The following ZBTB16 variants were observed in gnomAD, a reference collection of about 807,000 sequenced individuals.
ZBTB16 encodes the protein zinc finger and BTB domain containing 16, also known as zinc finger and BTB domain-containing protein 16.
ZBTB16 carries 8 observed loss-of-function variants against 56.8 expected under a neutral mutation model. The observed-to-expected ratio is 0.14, with a 90% CI of 0.08 to 0.25. The LOEUF is 0.25. Ranked by LOEUF, ZBTB16 falls within the 10% of genes least tolerant of loss-of-function variation. The pLI is 1.00. For synonymous variants in ZBTB16, 363 were observed against 368.5 expected (o/e 0.98, Z 0.17); for missense variants, 625 against 903.0 (o/e 0.69, Z 3.95).
intron 2 of ZBTB16, among the ~76,000 whole-genome samples, chr11:114,105,529 C>T (rs565208882): frequency 1.5e-4 from 23 of 152,294 alleles, no homozygotes; most frequent in Non-Finnish European, 2.4e-4. Flanking sequence ...AATGAGCCAC[C>T]GCGCCCGACC....
intron 2 of ZBTB16, among the ~76,000 whole-genome samples, chr11:114,148,409 C>T (rs1175936690): frequency 3.4e-3 from 115 of 34,092 alleles, no homozygotes; most frequent in Non-Finnish European, 4.8e-3. Flanking sequence ...CCCTCCCTCC[C>T]TCCCTCCCTC....
rs534363530 is a variant in ZBTB16 at position 114,182,061 on chromosome 11, G to C, written c.1367-4891G>C. Among the ~76,000 whole-genome samples the C allele has an allele frequency of 2.6e-5, 4 of 152,216 alleles. No individual in the cohort carries two copies. In the South Asian group the frequency reaches 8.3e-4, roughly 32 times the overall value. ...TCAATGCTTTGTTGTTGTTATTGTT[G>C]TTGTTTTGAGACAGGGTTTCACTCC... On this transcript the variant is annotated intron_variant, in intron 3 of 6. Transcript: ENST00000335953.
At chr11:114,091,045 A>T (rs1022893206) in intron 2 of ZBTB16, among the ~76,000 whole-genome samples, 3 of 152,308 alleles carry the variant, frequency 2.0e-5, no homozygotes, top group African/African-American at 7.2e-5. Flanking sequence ...GGTGACGCAG[A>T]CTAAGGCAAT....
chr11:114,149,640 T>A (rs951159793), intron 2 of ZBTB16, among the ~76,000 whole-genome samples: 1 of 152,242 alleles, frequency 6.6e-6, no homozygotes, highest in South Asian at 2.1e-4. Context: ...TTTATTAATA[T>A]TGACTAGTCA....
chr11:114,196,633 T>C (rs1211258150), intron 4 of ZBTB16, among the ~76,000 whole-genome samples: 1 of 152,188 alleles, frequency 6.6e-6, no homozygotes, highest in Non-Finnish European at 1.5e-5. Context: ...CCTCATTCTC[T>C]GAGTTTTTAA....
intron 5 of ZBTB16, 192 bp from the exon 6 acceptor site, chr11:114,247,005 TA>T: frequency 1.5e-6 from 1 of 685,712 alleles, no homozygotes; most frequent in Non-Finnish European, 2.5e-6. Context: ...GGGGCCACAG[TA>T]AAGTATGGTC....
intron 3 of ZBTB16, among the ~76,000 whole-genome samples, chr11:114,165,727 A>G (rs766020239): frequency 8.5e-5 from 13 of 152,066 alleles, no homozygotes; most frequent in Non-Finnish European, 1.2e-4. Flanking sequence ...TTCCGGGAGA[A>G]CAGGCCTGGG....
At chr11:114,167,962 GTC>G (rs1406618754) in intron 3 of ZBTB16, among the ~76,000 whole-genome samples, 1 of 152,188 alleles carries the variant, frequency 6.6e-6, no homozygotes, top group African/African-American at 2.4e-5. Flanking sequence ...CCTAGGATGT[GTC>G]TGTCTGGGCA....
chr11:114,134,865 T>C (rs1941758482), intron 2 of ZBTB16, among the ~76,000 whole-genome samples: 1 of 152,238 alleles, frequency 6.6e-6, no homozygotes, highest in Admixed American at 6.5e-5. Context: ...TAGACACTGC[T>C]GTGTTCTTTT....
At chr11:114,244,424 T>C (rs1944775589) in intron 5 of ZBTB16, among the ~76,000 whole-genome samples, 1 of 151,986 alleles carries the variant, frequency 6.6e-6, no homozygotes, top group African/African-American at 2.4e-5. Context: ...ATTAGTCTCG[T>C]TTGTCCTGCA....
At chr11:114,132,778 A>T (rs1185494611) in intron 2 of ZBTB16, among the ~76,000 whole-genome samples, 6 of 152,072 alleles carry the variant, frequency 3.9e-5, no homozygotes, top group African/African-American at 1.4e-4. Context: ...GTTATCACGG[A>T]TTACTCCATC....
intron 3 of ZBTB16, among the ~76,000 whole-genome samples, chr11:114,171,094 A>G (rs902701449): frequency 4.6e-5 from 7 of 152,208 alleles, no homozygotes; most frequent in African/African-American, 1.7e-4. Context: ...CTCGAGAGGG[A>G]CAGGTGCAGC....
At chr11:114,133,985 C>G (rs1370758303) in intron 2 of ZBTB16, among the ~76,000 whole-genome samples, 1 of 152,186 alleles carries the variant, frequency 6.6e-6, no homozygotes, top group Non-Finnish European at 1.5e-5. Context: ...TACCAGTACC[C>G]AAAAAGCCCA....
chr11:114,201,324 C>T (rs1943732534), intron 4 of ZBTB16, among the ~76,000 whole-genome samples: 1 of 152,092 alleles, frequency 6.6e-6, no homozygotes, highest in Admixed American at 6.6e-5. Context: ...CATTGCACAC[C>T]TTGGCATCTC....
At chr11:114,244,367 G>T (rs537781093) in intron 5 of ZBTB16, among the ~76,000 whole-genome samples, 9 of 152,060 alleles carry the variant, frequency 5.9e-5, no homozygotes, top group East Asian at 3.9e-4. Context: ...GGACAGATTG[G>T]GGGGGGCGGG....
intron 2 of ZBTB16, among the ~76,000 whole-genome samples, chr11:114,099,827 A>G (rs1272441847): frequency 6.6e-6 from 1 of 152,236 alleles, no homozygotes; most frequent in Non-Finnish European, 1.5e-5. Flanking sequence ...ACATTGCGCT[A>G]CAGTCATTGA....
chr11:114,066,084 G>A (rs1939103746), intron 2 of ZBTB16, among the ~76,000 whole-genome samples: 1 of 152,182 alleles, frequency 6.6e-6, no homozygotes, highest in Non-Finnish European at 1.5e-5. Context: ...TGCATACCCT[G>A]TGGTCTGCTG....
At chr11:114,179,063 G>A (rs925325531) in intron 3 of ZBTB16, among the ~76,000 whole-genome samples, 8 of 152,138 alleles carry the variant, frequency 5.3e-5, no homozygotes, top group African/African-American at 1.9e-4. Context: ...GAGTGAGGCC[G>A]AACTCTGAGG....
intron 2 of ZBTB16, among the ~76,000 whole-genome samples, chr11:114,124,565 A>C (rs1042650535): frequency 1.3e-5 from 2 of 149,652 alleles, no homozygotes; most frequent in Non-Finnish European, 3.0e-5. Flanking sequence ...ACCAAAAAAA[A>C]AAAAAAACAA....
Sources: gnomAD v4.1 joint callset for allele counts (sites outside exome capture counted in the v4.1 genomes callset) on GRCh38, gnomAD v4.1.1 for gene constraint, MANE v1.5 for transcripts, NCBI Gene and HGNC (gene_info 2026-07-23, HGNC 2026-07-21) for gene names.